KAZN: variants seen among roughly 807,000 people sequenced by gnomAD.
KAZN encodes kazrin.
KAZN carries 40 observed loss-of-function variants against 87.4 expected under a neutral mutation model. That is an observed-to-expected ratio of 0.46 (90% CI 0.36 to 0.60). The LOEUF (loss-of-function observed/expected upper bound fraction) is 0.60, where lower values mean the gene tolerates loss of function less well. Among genes scored for constraint, KAZN ranks in the 20% least tolerant of loss-of-function variants. The pLI is 0.00. For missense variants in KAZN, 898 were observed against 1,073.9 expected (o/e 0.84, Z 2.29); for synonymous variants, 466 against 458.3 (o/e 1.02, Z -0.22).
intron 1 of KAZN, among the ~76,000 whole-genome samples, chr1:14,825,088 C>T (rs1646846229): frequency 6.6e-6 from 1 of 152,274 alleles, no homozygotes; most frequent in African/African-American, 2.4e-5. Flanking sequence ...CTGACTTTTC[C>T]CACTGCCCCA....
chr1:14,052,430 G>A (rs899896628), intron 1 of KAZN, among the ~76,000 whole-genome samples: 4 of 152,102 alleles, frequency 2.6e-5, no homozygotes, highest in African/African-American at 4.8e-5. Context: ...AGTGGTGGCC[G>A]CTGCTACACC....
chr1:14,198,368 G>A (rs995503381), intron 2 of KAZN, among the ~76,000 whole-genome samples: 2 of 152,210 alleles, frequency 1.3e-5, no homozygotes, highest in Non-Finnish European at 2.9e-5. Flanking sequence ...GGGAGGCTGA[G>A]GTGGGAGAAT....
intron 2 of KAZN, among the ~76,000 whole-genome samples, chr1:14,515,459 G>C (rs963626406): frequency 8.5e-5 from 13 of 152,200 alleles, no homozygotes; most frequent in African/African-American, 3.1e-4. Flanking sequence ...CACCGTATGT[G>C]GGAACCACAC....
chr1:14,567,936 T>A (rs1319492600), intron 2 of KAZN, among the ~76,000 whole-genome samples: 1 of 152,232 alleles, frequency 6.6e-6, no homozygotes, highest in Non-Finnish European at 1.5e-5. Flanking sequence ...CACAGCTATA[T>A]AAACCCCCTC....
intron 1 of KAZN, among the ~76,000 whole-genome samples, chr1:14,805,803 ATAAAT>A (rs1646198223): frequency 7.8e-6 from 1 of 127,870 alleles, no homozygotes; most frequent in Non-Finnish European, 1.7e-5. Context: ...AATAATAATA[ATAAAT>A]TAAAATCTGG....
chr1:14,868,633 T>C (rs1435999109), intron 1 of KAZN, among the ~76,000 whole-genome samples: 1 of 151,698 alleles, frequency 6.6e-6, no homozygotes, highest in Non-Finnish European at 1.5e-5. Context: ...GGGAGGGGAA[T>C]CTAGTAGGCT....
chr1:14,604,332 C>G (rs555481771), intron 1 of KAZN, among the ~76,000 whole-genome samples: 2 of 152,310 alleles, frequency 1.3e-5, no homozygotes, highest in South Asian at 4.2e-4. Flanking sequence ...GCAGATCATA[C>G]CTGACGATTC....
intron 2 of KAZN, among the ~76,000 whole-genome samples, chr1:14,384,711 G>A (rs77945263): frequency 0.31 from 46,411 of 149,526 alleles, 7,943 homozygotes; most frequent in East Asian, 0.71. Flanking sequence ...TGCTGGATTC[G>A]GTTTGCCAGT....
intron 1 of KAZN, among the ~76,000 whole-genome samples, chr1:13,990,662 G>A (rs760585086): frequency 2.6e-5 from 4 of 152,090 alleles, no homozygotes; most frequent in African/African-American, 7.2e-5. Context: ...AAGAGTTTTT[G>A]TATTTCATTT....
At chr1:14,359,460 G>A (rs903213294) in intron 2 of KAZN, among the ~76,000 whole-genome samples, 1 of 152,146 alleles carries the variant, frequency 6.6e-6, no homozygotes, top group African/African-American at 2.4e-5. Context: ...TGTTATGTGT[G>A]AATTTGATTC....
chr1:14,166,294 G>T (rs1278402629), intron 1 of KAZN, among the ~76,000 whole-genome samples: 1 of 152,078 alleles, frequency 6.6e-6, no homozygotes, highest in Admixed American at 6.6e-5. Context: ...CAGCCTGAGC[G>T]ACAGAGCAAG....
chr1:14,854,664 G>A (rs1184873219), intron 1 of KAZN, among the ~76,000 whole-genome samples: 2 of 152,072 alleles, frequency 1.3e-5, no homozygotes, highest in African/African-American at 4.8e-5. Flanking sequence ...AGTATGGCAG[G>A]CATTAGACCA....
At chr1:15,050,165 GAATAGAATA>G (rs1674208168) in intron 4 of KAZN, among the ~76,000 whole-genome samples, 1 of 53,728 alleles carries the variant, frequency 1.9e-5, no homozygotes. Context: ...GAATGGAATA[GAATAGAATA>G]GAATAGAATA....
chr1:14,979,182 C>T (rs1021988863), intron 2 of KAZN, among the ~76,000 whole-genome samples: 15 of 151,876 alleles, frequency 9.9e-5, no homozygotes, highest in Non-Finnish European at 1.3e-4. Context: ...GAGGCCAAGG[C>T]GAGCGGATCA....
chr1:15,044,651 G>T (rs1673287645), intron 4 of KAZN, among the ~76,000 whole-genome samples: 1 of 151,510 alleles, frequency 6.6e-6, no homozygotes, highest in Non-Finnish European at 1.5e-5. Context: ...TGAGGCAAAA[G>T]GATTGCCTGA....
At chr1:14,799,362 A>C (rs538610218) in intron 1 of KAZN, among the ~76,000 whole-genome samples, 153 of 152,338 alleles carry the variant, frequency 1.0e-3, no homozygotes, top group Non-Finnish European at 1.9e-3. Context: ...GAAAGGCTTC[A>C]TTTGGGACAC....
intron 2 of KAZN, among the ~76,000 whole-genome samples, chr1:14,590,776 A>G (rs1017135583): frequency 1.3e-5 from 2 of 152,206 alleles, no homozygotes; most frequent in African/African-American, 4.8e-5. Flanking sequence ...ATGGTTTCCA[A>G]TGCATCATCT....
At chr1:14,724,309 TTTC>T (rs1248100843) in intron 1 of KAZN, among the ~76,000 whole-genome samples, 2 of 152,190 alleles carry the variant, frequency 1.3e-5, no homozygotes, top group Non-Finnish European at 2.9e-5. Flanking sequence ...GGAAAGATTT[TTTC>T]TTCTTATTCT....
chr1:14,457,308 A>G (rs78653978), intron 2 of KAZN, among the ~76,000 whole-genome samples: 1 of 152,192 alleles, frequency 6.6e-6, no homozygotes, highest in Non-Finnish European at 1.5e-5. Context: ...TTAACCCTAT[A>G]GAGTTTCTCT....
Sources: gnomAD v4.1 joint callset for allele counts (sites outside exome capture counted in the v4.1 genomes callset) on GRCh38, gnomAD v4.1.1 for gene constraint, MANE v1.5 for transcripts, NCBI Gene and HGNC (gene_info 2026-07-23, HGNC 2026-07-21) for gene names.